The following ILDR1 variants were observed in gnomAD, a reference collection of about 807,000 sequenced individuals.
ILDR1 encodes the protein immunoglobulin-like domain-containing receptor 1.
A neutral mutation model predicts 62.4 loss-of-function variants in ILDR1; 56 were observed. The ratio of observed to expected loss-of-function variants is 0.90; its 90% CI spans 0.72 to 1.12. The LOEUF (loss-of-function observed/expected upper bound fraction) is 1.12, where lower values mean the gene tolerates loss of function less well. Among genes scored for constraint, ILDR1 ranks in the 50% most tolerant of loss-of-function variants. The pLI is 0.00. For missense variants in ILDR1, 736 were observed against 710.6 expected, an observed-to-expected ratio of 1.04 and a Z score of -0.41; for synonymous variants, 284 against 277.8, an observed-to-expected ratio of 1.02 and a Z score of -0.22.
chr3:121,992,839 G>A (rs2071369795), intron 7 of ILDR1, among the ~76,000 whole-genome samples: 1 of 152,202 alleles, frequency 6.6e-6, no homozygotes, highest in Admixed American at 6.5e-5. Context: ...CTTGCAAGGT[G>A]CTTAATCATG....
At chr3:122,008,557 A>AT (rs1203299973) in intron 1 of ILDR1, among the ~76,000 whole-genome samples, 1 of 145,130 alleles carries the variant, frequency 6.9e-6, no homozygotes, top group Non-Finnish European at 1.5e-5. Flanking sequence ...AGAGACACGC[A>AT]TTTTTTATTT....
chr3:122,037,473 G>A, the ILDR1 span, among the ~76,000 whole-genome samples: 1 of 152,228 alleles, frequency 6.6e-6, no homozygotes. Context: ...CTGGGTTTCA[G>A]ACTTTCATGG....
At chr3:122,022,925 A>G (rs1242098566), upstream of ILDR1, among the ~76,000 whole-genome samples, 1 of 146,682 alleles carries the variant, frequency 6.8e-6, no homozygotes, top group Non-Finnish European at 1.5e-5. Context: ...AAATAAATAA[A>G]TAAATAAATA....
chr3:121,988,897 C>A (rs1202052093), intron 7 of ILDR1, among the ~76,000 whole-genome samples: 1 of 152,200 alleles, frequency 6.6e-6, no homozygotes, highest in Non-Finnish European at 1.5e-5. Context: ...TCACTAATTA[C>A]TTCTTCCTGA....
chr3:122,009,210 C>T (rs1005898412), intron 1 of ILDR1, among the ~76,000 whole-genome samples: 23 of 151,758 alleles, frequency 1.5e-4, no homozygotes, highest in Admixed American at 3.3e-4. Context: ...GGGTTATAGG[C>T]GTGAGCCACT....
intron 5 of ILDR1, among the ~76,000 whole-genome samples, chr3:121,999,137 G>A (rs943682989): frequency 6.6e-6 from 1 of 152,116 alleles, no homozygotes; most frequent in African/African-American, 2.4e-5. Context: ...TCAGGCCACC[G>A]ACTTTCTTCA....
Position 121,993,170 on chromosome 3 carries a change from C to CT in ILDR1, c.1578dup (p.Gly527ArgfsTer14). The CT allele has an allele frequency of 1.2e-6, 2 of 1,606,630 alleles. No homozygotes were observed. Among genetic ancestry groups the CT allele is most frequent in the Non-Finnish European group, 1.7e-6 (2 of 1,176,540 alleles). On this transcript the variant is annotated frameshift_variant, in exon 7 of 8. Coordinates refer to ENST00000344209, the MANE Select transcript of ILDR1 (RefSeq NM_001199799.2). LOFTEE classifies it high-confidence loss of function. ...CTCACCGAGCGCCTCTCCACACTCCCTTTTTTCCTGCTATTCTTGCCTGGA... is the reference window on the plus strand; with the variant it reads ...CTCACCGAGCGCCTCTCCACACTCCCTTTTTTTCCTGCTATTCTTGCCTGGA...
At chr3:122,022,294 C>T (rs900488940), upstream of ILDR1, 1 of 444,100 alleles carries the variant, frequency 2.3e-6, no homozygotes. Flanking sequence ...CCTCCCGCCC[C>T]GCGCGCCGCC....
chr3:122,040,723 C>CAAAAAAAAAAAA, the ILDR1 span, among the ~76,000 whole-genome samples: 1 of 65,392 alleles, frequency 1.5e-5, no homozygotes. Flanking sequence ...AATCCAGATG[C>CAAAAAAAAAAAA]AAAAAAAAAA....
chr3:122,053,959 T>G, the ILDR1 span, among the ~76,000 whole-genome samples: 1 of 152,238 alleles, frequency 6.6e-6, no homozygotes, highest in Admixed American at 6.5e-5. Flanking sequence ...CTATTTTATT[T>G]GCACTCCTGC....
chr3:121,994,196 G>A lies in ILDR1; in HGVS notation c.764C>T (p.Pro255Leu), dbSNP rs144519399. 3,566 of 1,536,070 alleles carry A rather than the reference G, an allele frequency of 2.3e-3. 37 individuals carry two copies. The highest frequency in any genetic ancestry group is 0.012 in the East Asian group (477 of 40,912). The stretch of plus-strand genomic sequence containing the variant: ...GAAGAGTTTACCTCGCTGCAGCAGC[G>A]GGTGCATTGGATAAGATGAAACCTG... ...SSQVSSYPMH[P>L]LLQRDLSLPS... The change falls in exon 6 of 8, where the codon CCG (proline) becomes CTG (leucine). Residue 255 changes from proline (P) to leucine (L), a missense_variant. Physicochemically the swap from Pro to Leu is moderately conservative, Grantham distance 98 (BLOSUM62 -3). Coordinates refer to ENST00000344209, the MANE Select transcript of ILDR1 (RefSeq NM_001199799.2).
At chr3:122,016,259 T>C (rs1387204567) in intron 1 of ILDR1, among the ~76,000 whole-genome samples, 1 of 152,272 alleles carries the variant, frequency 6.6e-6, no homozygotes, top group Non-Finnish European at 1.5e-5. Context: ...AAAATCCATC[T>C]ACTAAGTGCT....
At chr3:122,016,658 G>A (rs78948167) in intron 1 of ILDR1, among the ~76,000 whole-genome samples, 3,493 of 152,290 alleles carry the variant, frequency 0.023, 138 homozygotes, top group African/African-American at 0.078. Context: ...AGTTGGCCTT[G>A]AATTTCAAAC....
At chr3:122,025,954 A>G (rs1392607994), upstream of ILDR1, among the ~76,000 whole-genome samples, 2 of 152,182 alleles carry the variant, frequency 1.3e-5, no homozygotes, top group African/African-American at 4.8e-5. Flanking sequence ...TCCTGGAGGA[A>G]GGGACATCTG....
chr3:122,001,703 G>C, intron 4 of ILDR1, 42 bp downstream of exon 4: 2 of 1,608,430 alleles, frequency 1.2e-6, no homozygotes, highest in South Asian at 2.2e-5. Context: ...AAAGTGTTAC[G>C]GCAGTGAGGG....
Position 122,001,809 on chromosome 3 carries a change from G to T in ILDR1, c.435C>A (p.Cys145Ter), listed in dbSNP as rs1161581961. 1 of 1,613,432 alleles carries T rather than the reference G, an allele frequency of 6.2e-7. No homozygotes were observed. Among genetic ancestry groups the T allele is most frequent in the Non-Finnish European group, 8.5e-7 (1 of 1,179,886 alleles). ...ATGTGTCCCCTGGAGCCTCAATGGT[G>T]CAGTAATACACTCCATGGTCCCACC... ...VMWWDHGVYY[C>*]TIEAPGDTSG... is the part of the protein sequence containing the mutation. Residue 145 changes from cysteine (C) to a stop codon, truncating the protein, a stop_gained, in exon 4 of 8, where the codon TGC (cysteine) becomes TGA (stop). Coordinates refer to ENST00000344209, the MANE Select transcript of ILDR1 (RefSeq NM_001199799.2). LOFTEE classifies it high-confidence loss of function.
intron 2 of ILDR1, among the ~76,000 whole-genome samples, 182 bp from the exon 3 acceptor site, chr3:122,005,575 A>G (rs1438695722): frequency 6.6e-6 from 1 of 152,108 alleles, no homozygotes; most frequent in Non-Finnish European, 1.5e-5. Context: ...GTGGGGTCTG[A>G]GATTCTCATT....
At chr3:122,033,651 C>G in the ILDR1 span, among the ~76,000 whole-genome samples, 1 of 151,978 alleles carries the variant, frequency 6.6e-6, no homozygotes, top group Non-Finnish European at 1.5e-5. Flanking sequence ...ATCTACAATC[C>G]ACGTGGAACT....
At chr3:122,030,927 G>C in the ILDR1 span, among the ~76,000 whole-genome samples, 1 of 152,098 alleles carries the variant, frequency 6.6e-6, no homozygotes, top group Non-Finnish European at 1.5e-5. Flanking sequence ...CTTGCATCTT[G>C]GTGACAAAAT....
Sources: gnomAD v4.1 joint callset for allele counts (sites outside exome capture counted in the v4.1 genomes callset) on GRCh38, gnomAD v4.1.1 for gene constraint, MANE v1.5 for transcripts, NCBI Gene and HGNC (gene_info 2026-07-23, HGNC 2026-07-21) for gene names.